Variants in CDKAL1 observed in about 807,000 individuals in gnomAD.
CDKAL1 encodes CDKAL1 threonylcarbamoyladenosine tRNA methylthiotransferase.
Under a neutral mutation model 68.2 loss-of-function variants are expected in CDKAL1, and 32 were observed. That is an observed-to-expected ratio of 0.47 (90% CI 0.35 to 0.63). The LOEUF (loss-of-function observed/expected upper bound fraction) is 0.63, where lower values mean the gene tolerates loss of function less well. Ranked by LOEUF, CDKAL1 falls within the 30% of genes least tolerant of loss-of-function variation. CDKAL1 has a pLI of 0.00. For synonymous variants in CDKAL1, 234 were observed against 244.3 expected (o/e 0.96, Z 0.39); for missense variants, 606 against 696.7 (o/e 0.87, Z 1.47).
At chr6:20,882,344 C>G (rs904854037) in intron 9 of CDKAL1, among the ~76,000 whole-genome samples, 1 of 152,184 alleles carries the variant, frequency 6.6e-6, no homozygotes, top group African/African-American at 2.4e-5. Context: ...TTCACAACCT[C>G]CCACTCTTTA....
chr6:20,647,128 C>T (rs1768509039), intron 4 of CDKAL1, among the ~76,000 whole-genome samples: 1 of 152,160 alleles, frequency 6.6e-6, no homozygotes, highest in Non-Finnish European at 1.5e-5. Flanking sequence ...ATTTTCTTGT[C>T]TGCATAATAT....
At chr6:20,580,793 T>C (rs933884210) in intron 4 of CDKAL1, among the ~76,000 whole-genome samples, 1 of 151,786 alleles carries the variant, frequency 6.6e-6, no homozygotes, top group African/African-American at 2.4e-5. Context: ...ATTGGCACTT[T>C]ACTTTTTTTT....
chr6:20,974,985 A>C (rs1254847698), intron 10 of CDKAL1, among the ~76,000 whole-genome samples: 6 of 149,356 alleles, frequency 4.0e-5, no homozygotes, highest in Non-Finnish European at 8.9e-5. Context: ...TCTCAAAAAA[A>C]AAAAAAAAAA....
intron 12 of CDKAL1, among the ~76,000 whole-genome samples, chr6:21,095,790 C>T (rs559320381): frequency 6.6e-6 from 1 of 152,240 alleles, no homozygotes; most frequent in South Asian, 2.1e-4. Context: ...AAATTGCTTT[C>T]TGGTTATCAA....
chr6:20,781,207 T>A lies in CDKAL1; in HGVS notation c.580T>A (p.Leu194Met). ...TGGAAGGCGGCTTGGGGGAGCACGATTGGATTTGCCGAAGATTAGGAAGAA... is the reference window on the plus strand; with the variant it reads ...TGGAAGGCGGCTTGGGGGAGCACGAATGGATTTGCCGAAGATTAGGAAGAA... ...DNGRRLGGAR[L>M]DLPKIRKNPL... The change falls in exon 8 of 16, where the codon TTG becomes ATG. Residue 194 changes from leucine (L) to methionine (M), a missense_variant. By Grantham distance (15) the Leu-to-Met change is conservative. Coordinates refer to ENST00000274695, the MANE Select transcript of CDKAL1 (RefSeq NM_017774.3). 2 of 1,613,874 alleles carry A rather than the reference T, an allele frequency of 1.2e-6. No homozygotes were observed. The highest frequency in any genetic ancestry group is 1.7e-6 in the Non-Finnish European group (2 of 1,179,830).
intron 5 of CDKAL1, among the ~76,000 whole-genome samples, chr6:20,677,578 G>C (rs1025925462): frequency 4.0e-5 from 6 of 151,772 alleles, no homozygotes; most frequent in Non-Finnish European, 7.4e-5. Context: ...CCCACACCAG[G>C]GTAATTTTTG....
chr6:20,913,317 T>C (rs1350559545), intron 9 of CDKAL1, among the ~76,000 whole-genome samples: 1 of 152,168 alleles, frequency 6.6e-6, no homozygotes, highest in Non-Finnish European at 1.5e-5. Context: ...GCTTCCAAAA[T>C]CACTTATGTG....
At chr6:20,870,616 C>T (rs1760162954) in intron 9 of CDKAL1, among the ~76,000 whole-genome samples, 1 of 152,114 alleles carries the variant, frequency 6.6e-6, no homozygotes, top group Admixed American at 6.6e-5. Flanking sequence ...CTCATACATT[C>T]AGTAGACATT....
chr6:20,964,579 TA>T (rs1458218575), intron 10 of CDKAL1, among the ~76,000 whole-genome samples: 1 of 152,130 alleles, frequency 6.6e-6, no homozygotes, highest in East Asian at 1.9e-4. Context: ...TTCTTGCTTA[TA>T]AGTGGGAGCT....
chr6:21,203,563 A>G lies in CDKAL1; in HGVS notation c.1548+2289A>G, dbSNP rs1400959335. Among the ~76,000 whole-genome samples the G allele has an allele frequency of 2.0e-5, 3 of 151,700 alleles. 1 individual carries two copies. The highest frequency in any genetic ancestry group is 4.4e-5 in the Non-Finnish European group (3 of 67,944). On this transcript the variant is annotated intron_variant, in intron 15 of 15. Transcript: ENST00000274695. ...AGCTGATACTGTTTATTTTTTCTAGAGACAGGATCTCGCTTTGTTGCCCAA... is the reference window on the plus strand; with the variant it reads ...AGCTGATACTGTTTATTTTTTCTAGGGACAGGATCTCGCTTTGTTGCCCAA...
At chr6:20,618,730 G>A (rs1449650733) in intron 4 of CDKAL1, among the ~76,000 whole-genome samples, 1 of 151,910 alleles carries the variant, frequency 6.6e-6, no homozygotes, top group East Asian at 1.9e-4. Flanking sequence ...CCAGGCTGGA[G>A]TGTAGTGGCG....
intron 4 of CDKAL1, among the ~76,000 whole-genome samples, chr6:20,621,654 A>G (rs1018168099): frequency 3.9e-5 from 6 of 152,162 alleles, no homozygotes; most frequent in African/African-American, 1.4e-4. Context: ...ACTTTGAGTT[A>G]TAATTCAATA....
intron 5 of CDKAL1, among the ~76,000 whole-genome samples, chr6:20,685,685 T>G (rs1770587539): frequency 6.6e-6 from 1 of 152,220 alleles, no homozygotes; most frequent in South Asian, 2.1e-4. Flanking sequence ...TTAGAGTTTT[T>G]TTAGTTTTTT....
chr6:21,107,844 GTATT>G (rs765625541), intron 12 of CDKAL1, among the ~76,000 whole-genome samples: 17 of 152,332 alleles, frequency 1.1e-4, no homozygotes, highest in Middle Eastern at 3.4e-3. Flanking sequence ...AACTTAGCCA[GTATT>G]TATTGAGTGC....
At chr6:21,192,933 T>TA (rs1319155346) in intron 13 of CDKAL1, among the ~76,000 whole-genome samples, 1 of 151,672 alleles carries the variant, frequency 6.6e-6, no homozygotes, top group East Asian at 1.9e-4. Context: ...CCTCCTGCCT[T>TA]AGTGTTCCAA....
At chr6:20,608,260 G>C (rs1294324926) in intron 4 of CDKAL1, among the ~76,000 whole-genome samples, 1 of 151,860 alleles carries the variant, frequency 6.6e-6, no homozygotes, top group African/African-American at 2.4e-5. Flanking sequence ...GAGTGAAATT[G>C]GTACATGTGT....
intron 5 of CDKAL1, among the ~76,000 whole-genome samples, chr6:20,682,394 A>G (rs544229694): frequency 5.3e-5 from 8 of 152,300 alleles, no homozygotes; most frequent in African/African-American, 1.7e-4. Flanking sequence ...TTTATGGTGA[A>G]ACGAGGTTTA....
rs140584131 is a variant in CDKAL1, at chr6:20,933,100, C to T, written c.743-22319C>T. Among the ~76,000 whole-genome samples, 14 of 152,188 alleles carry T rather than the reference C, an allele frequency of 9.2e-5. No individual in the cohort carries two copies. In the East Asian group the frequency reaches 2.7e-3, roughly 29 times the overall value. On this transcript the variant is annotated intron_variant, in intron 9 of 15. Transcript: ENST00000274695. ...GAGAAAAAATGGAATATAGTGCTTC[C>T]CCCTCTGAATCACAAAAACTCCATC... is the stretch of plus-strand genomic sequence containing the variant.
At chr6:20,910,600 C>T (rs1459642089) in intron 9 of CDKAL1, among the ~76,000 whole-genome samples, 1 of 152,202 alleles carries the variant, frequency 6.6e-6, no homozygotes, top group Non-Finnish European at 1.5e-5. Flanking sequence ...CTCAGACCCC[C>T]TCTGTGTGCC....
Sources: gnomAD v4.1 joint callset for allele counts (sites outside exome capture counted in the v4.1 genomes callset) on GRCh38, gnomAD v4.1.1 for gene constraint, MANE v1.5 for transcripts, NCBI Gene and HGNC (gene_info 2026-07-23, HGNC 2026-07-21) for gene names.